MYRIP: variants seen among roughly 807,000 people sequenced by gnomAD.
MYRIP encodes myosin VIIA and Rab interacting protein.
In MYRIP, 49 loss-of-function variants were observed where a neutral mutation model predicts 98.0. The ratio of observed to expected loss-of-function variants is 0.50; its 90% confidence interval spans 0.40 to 0.63. The LOEUF is 0.63. MYRIP is among the 30% of genes least tolerant of loss of function. The pLI, the probability that MYRIP is intolerant of heterozygous loss-of-function variation, is 0.00. For missense variants in MYRIP, 1,004 were observed against 1,058.2 expected, an observed-to-expected ratio of 0.95 and a Z score of 0.71; for synonymous variants, 404 against 409.5, an observed-to-expected ratio of 0.99 and a Z score of 0.16.
At chr3:39,930,455 T>C (rs147608536) in intron 2 of MYRIP, among the ~76,000 whole-genome samples, 2 of 152,216 alleles carry the variant, frequency 1.3e-5, no homozygotes, top group African/African-American at 4.8e-5. Context: ...TCACTTACTA[T>C]ATATATGATT....
rs946214026 is a variant in MYRIP at position 40,144,254 on chromosome 3, C to T, written c.333-6794C>T. Among the ~76,000 whole-genome samples, 20 of 152,272 alleles carry T rather than the reference C, an allele frequency of 1.3e-4. No homozygotes were observed. In the South Asian group the frequency reaches 3.5e-3, roughly 27 times the overall value. On this transcript the variant is annotated intron_variant, in intron 3 of 16. Coordinates refer to ENST00000302541, the MANE Select transcript of MYRIP (RefSeq NM_015460.4). The stretch of plus-strand genomic sequence containing the variant: ...CCCACTGTCAGATCTGCTTTTGAAC[C>T]TCTAGGCTTTCATTCTGCCATGGAG...
intron 2 of MYRIP, among the ~76,000 whole-genome samples, chr3:40,031,098 T>G (rs1353106433): frequency 6.6e-6 from 1 of 151,990 alleles, no homozygotes; most frequent in African/African-American, 2.4e-5. Context: ...ACAAAAGAAA[T>G]GTATTTCTCA....
chr3:40,157,705 C>A (rs1183915343), intron 4 of MYRIP, among the ~76,000 whole-genome samples: 5 of 150,720 alleles, frequency 3.3e-5, no homozygotes. Context: ...GATTCAACTT[C>A]TTCCTGGTTT....
intron 1 of MYRIP, among the ~76,000 whole-genome samples, chr3:39,860,745 T>C (rs557792474): frequency 7.2e-4 from 110 of 152,310 alleles, no homozygotes; most frequent in African/African-American, 2.6e-3. Context: ...GCTGCATTGC[T>C]AGTATACACT....
intron 4 of MYRIP, among the ~76,000 whole-genome samples, chr3:40,161,203 A>G (rs1410504987): frequency 6.6e-6 from 1 of 152,198 alleles, no homozygotes; most frequent in African/African-American, 2.4e-5. Flanking sequence ...GCTTTCCAGA[A>G]CAATTCAGTC....
chr3:39,930,998 C>T (rs889159721), intron 2 of MYRIP, among the ~76,000 whole-genome samples: 1 of 151,968 alleles, frequency 6.6e-6, no homozygotes, highest in African/African-American at 2.4e-5. Flanking sequence ...TTTGGCCATT[C>T]TTGCCTTTGT....
chr3:40,248,656 T>C lies in MYRIP; in HGVS notation c.2263-1566T>C, dbSNP rs530586911. Among the ~76,000 whole-genome samples the C allele has an allele frequency of 2.0e-5, 3 of 152,290 alleles. No homozygotes were observed. In the South Asian group the frequency reaches 6.2e-4, roughly 32 times the overall value. On this transcript the variant is annotated intron_variant, in intron 13 of 16. Transcript: ENST00000302541. ...CTTGCTTTCCCATTGACCTTGTCTTTCCCAGGGCCCTCTGAGCAAGGCCCT... is the reference window on the plus strand; with the variant it reads ...CTTGCTTTCCCATTGACCTTGTCTTCCCCAGGGCCCTCTGAGCAAGGCCCT...
intron 11 of MYRIP, among the ~76,000 whole-genome samples, chr3:40,225,935 A>T (rs918467732): frequency 6.6e-6 from 1 of 152,098 alleles, no homozygotes; most frequent in Non-Finnish European, 1.5e-5. Flanking sequence ...ACCCCTGTTA[A>T]CGTTTCCTGT....
intron 3 of MYRIP, among the ~76,000 whole-genome samples, chr3:40,091,351 G>A (rs529332805): frequency 7.1e-6 from 1 of 141,352 alleles, no homozygotes; most frequent in Admixed American, 7.2e-5. Context: ...ATTATCCCCA[G>A]CTGAGCCACT....
At chr3:40,110,968 G>A (rs573313061) in intron 3 of MYRIP, among the ~76,000 whole-genome samples, 34 of 150,566 alleles carry the variant, frequency 2.3e-4, no homozygotes, top group East Asian at 7.9e-4. Flanking sequence ...GATCAATTGC[G>A]CATCTTAATT....
In MYRIP at chr3:40,082,727, C is replaced by T. The variant is rs577262914; in HGVS notation, c.332+38456C>T. On this transcript the variant is annotated intron_variant, in intron 3 of 16. Transcript: ENST00000302541. The stretch of plus-strand genomic sequence containing the variant: ...CAAAAACAGAAACTAACTTTTTCAC[C>T]GTCCTGATATGGCTCCTTTAAATGG... 1.8e-3 allele frequency among the ~76,000 whole-genome samples: 281 copies of T among 152,256 alleles called. 3 individuals are homozygous for T. Among genetic ancestry groups the T allele is most frequent in the African/African-American group, 6.5e-3 (269 of 41,556 alleles).
At chr3:40,107,671 A>G (rs1305252929) in intron 3 of MYRIP, among the ~76,000 whole-genome samples, 1 of 152,204 alleles carries the variant, frequency 6.6e-6, no homozygotes, top group Non-Finnish European at 1.5e-5. Context: ...GTATCCCTGA[A>G]CAAAGCTAAC....
chr3:40,147,767 G>A (rs922671859), intron 3 of MYRIP, among the ~76,000 whole-genome samples: 3 of 152,154 alleles, frequency 2.0e-5, no homozygotes, highest in Non-Finnish European at 2.9e-5. Flanking sequence ...GAACAAAGAC[G>A]TGGCTCCTTC....
chr3:39,944,863 T>C (rs1455479884), intron 2 of MYRIP, among the ~76,000 whole-genome samples: 2 of 152,088 alleles, frequency 1.3e-5, no homozygotes, highest in Non-Finnish European at 2.9e-5. Flanking sequence ...CCAAGAGAAA[T>C]ATTCATTTTT....
chr3:40,255,197 G>A (rs989341925), intron 16 of MYRIP, among the ~76,000 whole-genome samples: 5 of 152,190 alleles, frequency 3.3e-5, no homozygotes, highest in Admixed American at 2.6e-4. Flanking sequence ...TAGTGTCAGG[G>A]AAGGAATTGG....
chr3:40,163,069 A>T (rs1186404043), intron 5 of MYRIP: 2 of 360,568 alleles, frequency 5.5e-6, no homozygotes, highest in Non-Finnish European at 5.1e-6. Context: ...ACTAGTAAAT[A>T]TTCTTCTGGA....
chr3:40,070,709 C>G (rs1948206565), intron 3 of MYRIP, among the ~76,000 whole-genome samples: 1 of 152,132 alleles, frequency 6.6e-6, no homozygotes, highest in Non-Finnish European at 1.5e-5. Context: ...ACCATCCACC[C>G]CCTTACCACC....
chr3:39,916,865 TA>T (rs1191309463), intron 2 of MYRIP, among the ~76,000 whole-genome samples: 1 of 151,986 alleles, frequency 6.6e-6, no homozygotes, highest in Non-Finnish European at 1.5e-5. Flanking sequence ...GTAACTCCTA[TA>T]AAAAAGGCTA....
chr3:39,841,633 GT>G (rs1941803593), intron 1 of MYRIP, among the ~76,000 whole-genome samples: 1 of 152,128 alleles, frequency 6.6e-6, no homozygotes, highest in Non-Finnish European at 1.5e-5. Context: ...TTCGGATGGG[GT>G]TTGTGCCATT....
Sources: gnomAD v4.1 joint callset for allele counts (sites outside exome capture counted in the v4.1 genomes callset) on GRCh38, gnomAD v4.1.1 for gene constraint, MANE v1.5 for transcripts, NCBI Gene and HGNC (gene_info 2026-07-23, HGNC 2026-07-21) for gene names.